Variants in KALRN observed in about 807,000 individuals in gnomAD.
KALRN encodes the protein kalirin.
KALRN carries 70 observed loss-of-function variants against 353.7 expected under a neutral mutation model. The ratio of observed to expected loss-of-function variants is 0.20; its 90% CI spans 0.16 to 0.24. The LOEUF (loss-of-function observed/expected upper bound fraction) is 0.24, where lower values mean the gene tolerates loss of function less well. KALRN is among the 10% of genes least tolerant of loss of function. The pLI is 1.00. For synonymous variants in KALRN, 1,391 were observed against 1,434.8 expected (o/e 0.97, Z 0.69); for missense variants, 2,791 against 3,756.7 (o/e 0.74, Z 6.72).
At position 124,515,690 on chromosome 3, in the gene KALRN, G is replaced by T. The variant is rs189273050; in HGVS notation, c.4935+19277G>T. Among the ~76,000 whole-genome samples, 125 of 152,286 alleles carry T rather than the reference G, an allele frequency of 8.2e-4. 2 individuals are homozygous for T. Among genetic ancestry groups the T allele is most frequent in the Middle Eastern group, 6.8e-3 (2 of 294 alleles). On this transcript the variant is annotated intron_variant, in intron 33 of 59. Coordinates refer to ENST00000682506, the MANE Select transcript of KALRN (RefSeq NM_001388419.1). ...CTAAGCTGAGAGCTGTTTTCTCAAAGAAGAGAAATTACTGGCATTTCAAAA... is the reference window on the plus strand; with the variant it reads ...CTAAGCTGAGAGCTGTTTTCTCAAATAAGAGAAATTACTGGCATTTCAAAA...
At position 124,653,166 on chromosome 3, in the gene KALRN, C is replaced by T. The variant is rs181796061; in HGVS notation, c.5795+2228C>T. ...GTTGTATAGGTGTTTCACTGTAAACCATATGTGAGGCCAGAGGCTGAGGGG... is the reference window on the plus strand; with the variant it reads ...GTTGTATAGGTGTTTCACTGTAAACTATATGTGAGGCCAGAGGCTGAGGGG... On this transcript the variant is annotated intron_variant, in intron 38 of 59. Transcript: ENST00000682506. Among the ~76,000 whole-genome samples the T allele has an allele frequency of 3.2e-4, 49 of 152,152 alleles. No individual in the cohort carries two copies. The East Asian group carries it at 7.7e-3, about 24-fold the overall frequency.
At chr3:124,543,021 C>A (rs570987300) in intron 33 of KALRN, among the ~76,000 whole-genome samples, 5 of 152,198 alleles carry the variant, frequency 3.3e-5, no homozygotes, top group African/African-American at 1.2e-4. Context: ...ACATGGCTGT[C>A]AGCAGGCGGC....
At position 124,264,493 on chromosome 3, in the gene KALRN, C is replaced by G. The variant is rs911868892; in HGVS notation, c.264-5C>G. On this transcript the variant is annotated splice_region_variant and splice_polypyrimidine_tract_variant and intron_variant, in intron 3 of 59. Transcript: ENST00000682506. The stretch of plus-strand genomic sequence containing the variant: ...TGACCATACCGACCTCTGACCTCCC[C>G]ACAGTGAGGACGTGTGCAAACGTGG... 2.5e-6 allele frequency: 4 copies of G among 1,613,116 alleles called. No individual in the cohort carries two copies. The highest frequency in any genetic ancestry group is 3.4e-6 in the Non-Finnish European group (4 of 1,179,494).
chr3:124,515,588 G>T (rs1203410856), intron 33 of KALRN, among the ~76,000 whole-genome samples: 2 of 152,044 alleles, frequency 1.3e-5, no homozygotes, highest in Non-Finnish European at 2.9e-5. Context: ...TCAAAAAGTT[G>T]ATCTCAGGCT....
At chr3:124,628,742 ATTTTTTTTTTTTTTTTTT>A (rs58523719) in intron 34 of KALRN, among the ~76,000 whole-genome samples, 3 of 100,090 alleles carry the variant, frequency 3.0e-5, no homozygotes. Flanking sequence ...CACCTGGCTA[ATTTTTTTTTTTTTTTTTT>A]TTTTTTTTTT....
At chr3:124,454,761 C>G in intron 21 of KALRN, among the ~76,000 whole-genome samples, 1 of 151,992 alleles carries the variant, frequency 6.6e-6, no homozygotes, top group East Asian at 1.9e-4. Flanking sequence ...TACGGAATAA[C>G]AACTATTTAC....
intron 12 of KALRN, 66 bp downstream of exon 12, chr3:124,395,409 A>C (rs1204287262): frequency 1.1e-5 from 15 of 1,361,900 alleles, no homozygotes; most frequent in Non-Finnish European, 1.5e-5. Context: ...GTCCTGTCCC[A>C]GTCTTGACTC....
intron 53 of KALRN, 35 bp from the exon 54 acceptor site, chr3:124,696,099 C>A: frequency 6.2e-7 from 1 of 1,610,848 alleles, no homozygotes; most frequent in South Asian, 1.1e-5. Flanking sequence ...TGTCTCATTA[C>A]TGGAGTCTGA....
intron 1 of KALRN, among the ~76,000 whole-genome samples, chr3:124,105,257 A>G (rs1389529000): frequency 6.6e-6 from 1 of 152,204 alleles, no homozygotes; most frequent in Non-Finnish European, 1.5e-5. Flanking sequence ...TAAAAGTCTG[A>G]AAAGATGAGT....
At chr3:124,034,439 C>T (rs547820815) in intron 1 of KALRN, among the ~76,000 whole-genome samples, 3 of 152,208 alleles carry the variant, frequency 2.0e-5, no homozygotes, top group Non-Finnish European at 4.4e-5. Context: ...TCCTCCTCTT[C>T]AGTTCTGGGA....
chr3:124,139,570 G>A (rs891442837), intron 1 of KALRN, among the ~76,000 whole-genome samples: 1 of 152,166 alleles, frequency 6.6e-6, no homozygotes, highest in Non-Finnish European at 1.5e-5. Flanking sequence ...AGGAGGGTTT[G>A]TACAGAGAGG....
intron 1 of KALRN, among the ~76,000 whole-genome samples, chr3:124,119,734 T>C (rs2063787927): frequency 6.6e-6 from 1 of 152,230 alleles, no homozygotes; most frequent in African/African-American, 2.4e-5. Context: ...AGGTTGATTT[T>C]GAAGGTCCTG....
intron 1 of KALRN, among the ~76,000 whole-genome samples, chr3:124,180,565 C>T (rs1214347754): frequency 6.6e-6 from 1 of 152,182 alleles, no homozygotes; most frequent in East Asian, 1.9e-4. Context: ...AGCTGTGTGA[C>T]CTTCAGCAGG....
At chr3:124,534,270 T>C (rs552253453) in intron 33 of KALRN, among the ~76,000 whole-genome samples, 1 of 152,244 alleles carries the variant, frequency 6.6e-6, no homozygotes, top group East Asian at 1.9e-4. Flanking sequence ...ATTGGTTCAT[T>C]TATCAGAAAA....
chr3:124,478,539 C>A (rs2061644723), intron 27 of KALRN, among the ~76,000 whole-genome samples: 1 of 152,102 alleles, frequency 6.6e-6, no homozygotes, highest in African/African-American at 2.4e-5. Flanking sequence ...TTTAATGGAG[C>A]ATTAATATGG....
intron 33 of KALRN, among the ~76,000 whole-genome samples, chr3:124,520,263 G>A (rs2067053222): frequency 6.6e-6 from 1 of 152,022 alleles, no homozygotes; most frequent in South Asian, 2.1e-4. Context: ...TTTTTCAGTG[G>A]TAGTCCTCAG....
At chr3:124,321,822 G>A (rs1411040415) in intron 6 of KALRN, among the ~76,000 whole-genome samples, 3 of 152,194 alleles carry the variant, frequency 2.0e-5, no homozygotes, top group South Asian at 2.1e-4. Flanking sequence ...ATAATGCAAC[G>A]GACCATGCTG....
Position 124,696,269 on chromosome 3 carries a change from G to T in KALRN, c.7699+14G>T. On this transcript the variant is annotated intron_variant, in intron 54 of 59. Coordinates refer to ENST00000682506, the MANE Select transcript of KALRN (RefSeq NM_001388419.1). ...TCAAAGTGCAAGGTACAGCCTCTTT[G>T]TTAGTCAAACCTTTTGAAATATATA... 1 of 1,612,584 alleles carries T rather than the reference G, an allele frequency of 6.2e-7. No homozygotes were observed. The highest frequency in any genetic ancestry group is 8.5e-7 in the Non-Finnish European group (1 of 1,178,902).
intron 1 of KALRN, among the ~76,000 whole-genome samples, chr3:124,155,113 A>G (rs2068782520): frequency 6.6e-6 from 1 of 152,182 alleles, no homozygotes; most frequent in African/African-American, 2.4e-5. Flanking sequence ...TTAATTCAAG[A>G]TGGATTAAAG....
Sources: gnomAD v4.1 joint callset for allele counts (sites outside exome capture counted in the v4.1 genomes callset) on GRCh38, gnomAD v4.1.1 for gene constraint, MANE v1.5 for transcripts, NCBI Gene and HGNC (gene_info 2026-07-23, HGNC 2026-07-21) for gene names.